COL28A1: variants seen among roughly 807,000 people sequenced by gnomAD.
COL28A1 encodes collagen type XXVIII alpha 1 chain.
Under a neutral mutation model 150.2 loss-of-function variants are expected in COL28A1, and 161 were observed. The ratio of observed to expected loss-of-function variants is 1.07; its 90% CI spans 0.94 to 1.22. The LOEUF (loss-of-function observed/expected upper bound fraction) is 1.22. Among genes scored for constraint, COL28A1 ranks in the 50% most tolerant of loss-of-function variants. The pLI is 0.00. For synonymous variants in COL28A1, 552 were observed against 469.7 expected (o/e 1.18, Z -2.26); for missense variants, 1,617 against 1,388.3 (o/e 1.16, Z -2.62).
intron 13 of COL28A1, among the ~76,000 whole-genome samples, chr7:7,477,603 T>C (rs1435897657): frequency 1.3e-5 from 2 of 152,232 alleles, no homozygotes; most frequent in East Asian, 3.8e-4. Flanking sequence ...TGTTCAGTTG[T>C]GTTCCCAGTT....
chr7:7,384,722 T>C (rs1204387561), intron 27 of COL28A1, among the ~76,000 whole-genome samples: 1 of 152,176 alleles, frequency 6.6e-6, no homozygotes, highest in Non-Finnish European at 1.5e-5. Context: ...TGTAATCTTT[T>C]CCCACCAGGA....
intron 33 of COL28A1, among the ~76,000 whole-genome samples, chr7:7,361,904 A>G (rs1780686513): frequency 6.6e-6 from 1 of 152,208 alleles, no homozygotes; most frequent in Admixed American, 6.5e-5. Context: ...GCTAGAAACC[A>G]TCATTCTTAG....
intron 2 of COL28A1, 78 bp downstream of exon 2, chr7:7,532,674 T>C: frequency 5.2e-6 from 8 of 1,531,432 alleles, no homozygotes; most frequent in Non-Finnish European, 7.0e-6. Context: ...GCTATTTATA[T>C]CAAATGCTAT....
chr7:7,410,531 C>G lies in COL28A1; in HGVS notation c.2136+7328G>C, dbSNP rs531706472. Among the ~76,000 whole-genome samples, 315 of 152,238 alleles carry G rather than the reference C, an allele frequency of 2.1e-3. 2 individuals are homozygous for G. Among genetic ancestry groups the G allele is most frequent in the Non-Finnish European group, 3.7e-3 (254 of 68,020 alleles). ...AGAGAGTTTCTGGTGCACTCAAACA[C>G]ATCGTCTATGCTATGCCGTTAAGTG... On this transcript the variant is annotated intron_variant, in intron 27 of 34. Transcript: ENST00000399429.
chr7:7,497,037 G>C (rs1780246380), intron 11 of COL28A1, among the ~76,000 whole-genome samples: 1 of 148,926 alleles, frequency 6.7e-6, no homozygotes, highest in Non-Finnish European at 1.5e-5. Flanking sequence ...GAGGAAGGAA[G>C]GAAAGGAGGG....
At chr7:7,522,386 T>G (rs1385538438) in intron 4 of COL28A1, among the ~76,000 whole-genome samples, 1 of 152,162 alleles carries the variant, frequency 6.6e-6, no homozygotes, top group Non-Finnish European at 1.5e-5. Flanking sequence ...TATTAAATGC[T>G]CCTTTACTAG....
the COL28A1 span, among the ~76,000 whole-genome samples, chr7:7,347,327 C>T: frequency 1.8e-4 from 28 of 152,060 alleles, no homozygotes; most frequent in Admixed American, 1.3e-4. Context: ...AATATAATTG[C>T]AAGCCTCTAA....
chr7:7,428,386 C>A (rs1344557731), intron 25 of COL28A1, among the ~76,000 whole-genome samples: 3 of 152,146 alleles, frequency 2.0e-5, no homozygotes, highest in African/African-American at 7.2e-5. Context: ...GCTGTACCTG[C>A]CCTTAGTGAA....
At chr7:7,461,890 C>T (rs190385649) in intron 15 of COL28A1, among the ~76,000 whole-genome samples, 132 of 152,318 alleles carry the variant, frequency 8.7e-4, no homozygotes, top group African/African-American at 2.7e-3. Context: ...ACTACCACAA[C>T]TGATGCTCTC....
At chr7:7,438,623 C>A (rs887061777) in intron 21 of COL28A1, among the ~76,000 whole-genome samples, 3 of 152,218 alleles carry the variant, frequency 2.0e-5, no homozygotes, top group African/African-American at 7.2e-5. Flanking sequence ...GAAAATATTA[C>A]AACTTGTCTC....
chr7:7,497,033 G>T lies in COL28A1; in HGVS notation c.1027-6387C>A, dbSNP rs185739366. 2.1e-3 allele frequency among the ~76,000 whole-genome samples: 316 copies of T among 149,320 alleles called. 1 individual carries two copies. The highest frequency in any genetic ancestry group is 7.3e-3 in the African/African-American group (297 of 40,460). On this transcript the variant is annotated intron_variant, in intron 11 of 34. Coordinates refer to ENST00000399429, the MANE Select transcript of COL28A1 (RefSeq NM_001037763.3). Reference sequence around the variant, plus strand: ...AAGCCTCCTTTTGGAAAGAGAGGAAGGAAGGAAAGGAGGGAGGGAGGGAGG... The same window carrying T: ...AAGCCTCCTTTTGGAAAGAGAGGAATGAAGGAAAGGAGGGAGGGAGGGAGG...
chr7:7,425,067 A>G (rs1427121648), intron 25 of COL28A1, among the ~76,000 whole-genome samples: 1 of 151,968 alleles, frequency 6.6e-6, no homozygotes, highest in East Asian at 1.9e-4. Flanking sequence ...TATTAAAACT[A>G]TTATAATAAA....
At chr7:7,348,743 G>A in the COL28A1 span, among the ~76,000 whole-genome samples, 1 of 151,694 alleles carries the variant, frequency 6.6e-6, no homozygotes, top group Non-Finnish European at 1.5e-5. Flanking sequence ...GACATTTGGT[G>A]CTATAAATTT....
At chr7:7,355,943 T>G (rs1780342671), downstream of COL28A1, among the ~76,000 whole-genome samples, 1 of 152,156 alleles carries the variant, frequency 6.6e-6, no homozygotes, top group South Asian at 2.1e-4. Flanking sequence ...AGAACTTAAC[T>G]GATCATAGAT....
At position 7,444,476 on chromosome 7, in the gene COL28A1, G is replaced by A. The variant is rs1156521859; in HGVS notation, c.1523C>T (p.Ser508Leu). The A allele has an allele frequency of 1.2e-6, 2 of 1,613,564 alleles. No individual in the cohort carries two copies. Among genetic ancestry groups the A allele is most frequent in the Non-Finnish European group, 8.5e-7 (1 of 1,179,872 alleles). The change falls in exon 19 of 35, where the codon TCA (serine) becomes TTA (leucine). Residue 508 changes from serine to leucine, a missense_variant. Coordinates refer to ENST00000399429, the MANE Select transcript of COL28A1 (RefSeq NM_001037763.3). ...TCCTGGTTGTCCTGGGAGCCCTATT[G>A]AGCCTGGCTCTCCCTGGTGAATGAA... is the stretch of plus-strand genomic sequence containing the variant. ...GVQGPKGEPG[S>L]IGLPGQPGVP...
intron 11 of COL28A1, among the ~76,000 whole-genome samples, chr7:7,496,345 G>A (rs1780208323): frequency 6.6e-6 from 1 of 152,170 alleles, no homozygotes; most frequent in Non-Finnish European, 1.5e-5. Flanking sequence ...GCATTGACTA[G>A]GGAGCAGGGG....
At chr7:7,502,324 G>A (rs1188566387) in intron 11 of COL28A1, among the ~76,000 whole-genome samples, 1 of 152,162 alleles carries the variant, frequency 6.6e-6, no homozygotes, top group African/African-American at 2.4e-5. Flanking sequence ...AGTCATTCAG[G>A]GCAGACTAGG....
intron 15 of COL28A1, among the ~76,000 whole-genome samples, chr7:7,465,156 G>C (rs1001119294): frequency 6.6e-6 from 1 of 151,080 alleles, no homozygotes; most frequent in Non-Finnish European, 1.5e-5. Flanking sequence ...CGTGAGCGAC[G>C]CAGAAGACGG....
At chr7:7,437,097 A>C (rs560883060) in intron 22 of COL28A1, among the ~76,000 whole-genome samples, 1 of 152,264 alleles carries the variant, frequency 6.6e-6, no homozygotes, top group African/African-American at 2.4e-5. Flanking sequence ...TTCAATTATA[A>C]ATCCTGGTAG....
Sources: allele counts gnomAD v4.1 joint callset (sites outside exome capture counted in the v4.1 genomes callset), GRCh38; gene constraint gnomAD v4.1.1; transcripts MANE v1.5; gene names NCBI Gene and HGNC (gene_info 2026-07-23, HGNC 2026-07-21).